Variants in RALYL observed in about 807,000 individuals in gnomAD.
RALYL encodes the protein RALY RNA binding protein like, also known as RNA-binding Raly-like protein.
In RALYL, 29 loss-of-function variants were observed where a neutral mutation model predicts 35.1. The ratio of observed to expected loss-of-function variants is 0.83; its 90% CI spans 0.61 to 1.13. The LOEUF (loss-of-function observed/expected upper bound fraction) is 1.13, where lower values mean the gene tolerates loss of function less well. Ranked by LOEUF, RALYL falls within the 50% of genes most tolerant of loss-of-function variation. The pLI is 0.00. For missense variants in RALYL, 359 were observed against 360.4 expected (o/e 1.00, Z 0.03); for synonymous variants, 120 against 127.6 (o/e 0.94, Z 0.40).
intron 1 of RALYL, among the ~76,000 whole-genome samples, chr8:84,220,699 G>C (rs910358001): frequency 6.6e-6 from 1 of 151,792 alleles, no homozygotes. Flanking sequence ...ACTTTTATGA[G>C]TTTCTTTTGC....
At chr8:84,514,090 T>TAAAAAAAAAAAAAAAAAAAAAA (rs57881021) in intron 1 of RALYL, among the ~76,000 whole-genome samples, 14 of 41,146 alleles carry the variant, frequency 3.4e-4, no homozygotes, top group Admixed American at 6.2e-4. Flanking sequence ...AGATTTCATC[T>TAAAAAAAAAAAAAAAAAAAAAA]AAAAAAAAAA....
At chr8:84,873,079 G>A in intron 6 of RALYL, 3 of 417,340 alleles carry the variant, frequency 7.2e-6, no homozygotes, top group Non-Finnish European at 1.3e-5. Flanking sequence ...AAACGCTCAT[G>A]TCACTGAGAA....
chr8:84,573,096 C>A (rs1027336491), intron 2 of RALYL, among the ~76,000 whole-genome samples: 1 of 151,218 alleles, frequency 6.6e-6, no homozygotes, highest in South Asian at 2.1e-4. Context: ...TCACATTATA[C>A]TTTATGTATA....
intron 1 of RALYL, among the ~76,000 whole-genome samples, chr8:84,404,444 C>T (rs1044661482): frequency 5.3e-5 from 8 of 152,052 alleles, no homozygotes; most frequent in East Asian, 1.9e-4. Context: ...TGGTTTTTGT[C>T]ATTGGTTCTG....
At chr8:84,881,649 T>C (rs544777669) in intron 7 of RALYL, among the ~76,000 whole-genome samples, 109 of 152,100 alleles carry the variant, frequency 7.2e-4, no homozygotes, top group African/African-American at 2.4e-3. Flanking sequence ...AATATGAGGA[T>C]TGGAATTTAA....
chr8:84,694,235 A>T (rs1221298316), intron 2 of RALYL, among the ~76,000 whole-genome samples: 2 of 151,968 alleles, frequency 1.3e-5, no homozygotes, highest in Non-Finnish European at 2.9e-5. Flanking sequence ...AATCTGATTC[A>T]TATCAGTCCA....
At chr8:84,857,209 G>T (rs1837242099) in intron 5 of RALYL, among the ~76,000 whole-genome samples, 1 of 152,082 alleles carries the variant, frequency 6.6e-6, no homozygotes, top group Admixed American at 6.5e-5. Flanking sequence ...ATCTTCTCTG[G>T]TCCTCTGGTT....
intron 1 of RALYL, among the ~76,000 whole-genome samples, chr8:84,491,205 C>G (rs372373681): frequency 6.6e-6 from 1 of 152,016 alleles, no homozygotes; most frequent in African/African-American, 2.4e-5. Flanking sequence ...TGCTCACTCT[C>G]TGTCTCTCTC....
At chr8:84,761,737 A>G (rs1409417140) in intron 2 of RALYL, among the ~76,000 whole-genome samples, 1 of 152,146 alleles carries the variant, frequency 6.6e-6, no homozygotes, top group Non-Finnish European at 1.5e-5. Flanking sequence ...TGAGTCAAAT[A>G]TTGTTCTAGG....
chr8:84,475,956 A>G (rs972575029), intron 1 of RALYL, among the ~76,000 whole-genome samples: 7 of 152,220 alleles, frequency 4.6e-5, no homozygotes, highest in Admixed American at 3.3e-4. Context: ...AGAAATACAA[A>G]TCCAGGTTAG....
chr8:84,319,559 T>C (rs2130327986), intron 1 of RALYL, among the ~76,000 whole-genome samples: 1 of 152,256 alleles, frequency 6.6e-6, no homozygotes, highest in East Asian at 1.9e-4. Flanking sequence ...GTTAAAGTTA[T>C]TGCAGATACC....
At chr8:84,699,437 A>G (rs568439063) in intron 2 of RALYL, among the ~76,000 whole-genome samples, 9 of 152,256 alleles carry the variant, frequency 5.9e-5, no homozygotes, top group African/African-American at 1.9e-4. Flanking sequence ...AGAGTTCTAA[A>G]GGCTGGGAAA....
chr8:84,568,206 C>T lies in RALYL; in HGVS notation c.256+38629C>T, dbSNP rs1426806528. ...TAATGCTATCCCTCCCCCCTCCCCC[C>T]ACCCCACAACAGTCCCCAGAGTGTG... On this transcript the variant is annotated intron_variant, in intron 2 of 8. Coordinates refer to ENST00000521268, the MANE Select transcript of RALYL (RefSeq NM_173848.7). 2.9e-3 allele frequency among the ~76,000 whole-genome samples: 297 copies of T among 103,284 alleles called. 2 individuals are homozygous for T. Among genetic ancestry groups the T allele is most frequent in the African/African-American group, 0.011 (282 of 26,606 alleles). 67.8% of individuals were successfully genotyped at this position (103,284 alleles called of 152,430 possible).
At chr8:84,492,916 T>A (rs1023483530) in intron 1 of RALYL, among the ~76,000 whole-genome samples, 57 of 152,168 alleles carry the variant, frequency 3.7e-4, no homozygotes, top group East Asian at 1.2e-3. Context: ...CATCTTTTTT[T>A]AAAAACTCTA....
chr8:84,881,716 GAAAT>G (rs1200354056), intron 7 of RALYL, among the ~76,000 whole-genome samples: 1 of 151,864 alleles, frequency 6.6e-6, no homozygotes, highest in Non-Finnish European at 1.5e-5. Context: ...CCCTTAAACA[GAAAT>G]ACTTACCTGT....
chr8:84,373,943 C>T (rs775200802), intron 1 of RALYL, among the ~76,000 whole-genome samples: 1 of 151,774 alleles, frequency 6.6e-6, no homozygotes, highest in Non-Finnish European at 1.5e-5. Context: ...TAGCTGTATC[C>T]TAGCTGTTTT....
intron 2 of RALYL, among the ~76,000 whole-genome samples, chr8:84,589,333 C>G (rs1261565970): frequency 6.6e-6 from 1 of 152,118 alleles, no homozygotes; most frequent in African/African-American, 2.4e-5. Context: ...CTTACTGTAT[C>G]CTGTTAGATT....
chr8:84,328,556 C>T (rs1846246201), intron 1 of RALYL, among the ~76,000 whole-genome samples: 1 of 152,158 alleles, frequency 6.6e-6, no homozygotes, highest in Non-Finnish European at 1.5e-5. Flanking sequence ...AAGCCATAAA[C>T]TCTTGCACTT....
chr8:84,480,626 A>C (rs1333797283), intron 1 of RALYL, among the ~76,000 whole-genome samples: 1 of 152,162 alleles, frequency 6.6e-6, no homozygotes, highest in Non-Finnish European at 1.5e-5. Flanking sequence ...TGGGAAGAAG[A>C]AAGCCAAGAA....
Sources: gnomAD v4.1 joint callset for allele counts (sites outside exome capture counted in the v4.1 genomes callset) on GRCh38, gnomAD v4.1.1 for gene constraint, MANE v1.5 for transcripts, NCBI Gene and HGNC (gene_info 2026-07-23, HGNC 2026-07-21) for gene names.